Variants in BIK observed in about 807,000 individuals in gnomAD.
BIK encodes the protein bcl-2-interacting killer.
Under a neutral mutation model 12.1 loss-of-function variants are expected in BIK, and 14 were observed. That is an observed-to-expected ratio of 1.16 (90% CI 0.77 to 1.81). The LOEUF (loss-of-function observed/expected upper bound fraction) is 1.81, where lower values mean the gene tolerates loss of function less well. Among genes scored for constraint, BIK ranks in the 40% most tolerant of loss-of-function variants. The pLI, the probability that BIK is intolerant of heterozygous loss-of-function variation, is 0.00. For missense variants in BIK, 215 were observed against 207.9 expected (o/e 1.03, Z -0.21); for synonymous variants, 86 against 92.3 (o/e 0.93, Z 0.39).
chr22:43,129,681 A>G lies in BIK; in HGVS notation c.*376A>G. ...TCTACTGGAATAGATTCCGAGGAGC[A>G]GGAGTGCTCAATAAAATGTTGGTTT... is the stretch of plus-strand genomic sequence containing the variant. On this transcript the variant is annotated 3_prime_UTR_variant, in exon 5 of 5. Coordinates refer to ENST00000216115, the MANE Select transcript of BIK (RefSeq NM_001197.5). 1 of 243,758 alleles carries G rather than the reference A, an allele frequency of 4.1e-6. No individual in the cohort carries two copies. The highest frequency in any genetic ancestry group is 6.3e-5 in the South Asian group (1 of 15,872). The allele number at this position is 243,758 out of a possible 1,614,324, so 15.1% of individuals were successfully genotyped here.
At chr22:43,126,828 A>G (rs1569467585) in intron 2 of BIK, among the ~76,000 whole-genome samples, 1 of 152,124 alleles carries the variant, frequency 6.6e-6, no homozygotes, top group Non-Finnish European at 1.5e-5. Context: ...CCAGGGTAAC[A>G]GAAGGTAGGA....
intron 1 of BIK, among the ~76,000 whole-genome samples, chr22:43,116,927 G>T: frequency 6.6e-6 from 1 of 152,148 alleles, no homozygotes; most frequent in East Asian, 1.9e-4. Context: ...GTGACAGAGA[G>T]ACCCTGTCTC....
At chr22:43,128,157 C>T (rs780213160) in intron 3 of BIK, among the ~76,000 whole-genome samples, 3 of 151,658 alleles carry the variant, frequency 2.0e-5, no homozygotes, top group East Asian at 1.9e-4. Flanking sequence ...AGCGAGTCTC[C>T]GGTGGGGGAA....
chr22:43,126,505 C>T (rs1285559174), intron 2 of BIK, among the ~76,000 whole-genome samples: 1 of 152,162 alleles, frequency 6.6e-6, no homozygotes, highest in African/African-American at 2.4e-5. Flanking sequence ...CACTTTCATT[C>T]TTCCCCTGGT....
chr22:43,121,899 T>G (rs2003666), intron 1 of BIK, among the ~76,000 whole-genome samples: 40,616 of 152,138 alleles, frequency 0.27, 6,282 homozygotes, highest in Non-Finnish European at 0.34. Flanking sequence ...GCCTGGCTAA[T>G]TTTGTATTTT....
chr22:43,118,884 C>T (rs1207758930), intron 1 of BIK, among the ~76,000 whole-genome samples: 7 of 152,082 alleles, frequency 4.6e-5, no homozygotes, highest in African/African-American at 1.4e-4. Context: ...GGCCCTCGAA[C>T]ACCTGCTGAG....
At chr22:43,127,635 G>T (rs1930343095) in intron 2 of BIK, 62 bp from the exon 3 acceptor site, 2 of 1,444,254 alleles carry the variant, frequency 1.4e-6, no homozygotes, top group Non-Finnish European at 1.9e-6. Context: ...GGCTGGGTGG[G>T]TCCAGGTGCA....
intron 1 of BIK, among the ~76,000 whole-genome samples, chr22:43,120,829 G>T (rs1369651763): frequency 2.0e-5 from 3 of 152,234 alleles, no homozygotes; most frequent in South Asian, 4.1e-4. Flanking sequence ...GAGGGCCTGG[G>T]CCCAGAGGCC....
intron 1 of BIK, among the ~76,000 whole-genome samples, chr22:43,121,765 G>A (rs1019509972): frequency 2.2e-4 from 33 of 152,164 alleles, no homozygotes; most frequent in Admixed American, 8.5e-4. Flanking sequence ...AGCTTAACAC[G>A]CACACTGCTG....
chr22:43,127,628 T>C (rs1930342885), intron 2 of BIK, 69 bp from the exon 3 acceptor site: 8 of 1,388,250 alleles, frequency 5.8e-6, no homozygotes, highest in Middle Eastern at 3.8e-4. Context: ...ATCCGTTGGC[T>C]GGGTGGGTCC....
At chr22:43,123,960 G>A in intron 1 of BIK, 56 bp from the exon 2 acceptor site, 1 of 1,567,912 alleles carries the variant, frequency 6.4e-7, no homozygotes, top group East Asian at 2.2e-5. Context: ...CTGTGAGAGA[G>A]CCCCCAGACT....
chr22:43,119,014 C>T (rs1184693378), intron 1 of BIK, among the ~76,000 whole-genome samples: 1 of 151,998 alleles, frequency 6.6e-6, no homozygotes, highest in South Asian at 2.1e-4. Context: ...GAGTGCAGAG[C>T]TGTTCACCAA....
intron 3 of BIK, among the ~76,000 whole-genome samples, chr22:43,128,036 C>A (rs1007821277): frequency 6.6e-6 from 1 of 152,168 alleles, no homozygotes; most frequent in African/African-American, 2.4e-5. Flanking sequence ...GAGCCCAGGG[C>A]CCTTTTCTCT....
At chr22:43,121,733 T>C (rs529909695) in intron 1 of BIK, among the ~76,000 whole-genome samples, 20 of 152,360 alleles carry the variant, frequency 1.3e-4, no homozygotes, top group Non-Finnish European at 2.5e-4. Flanking sequence ...CTGGAAGTTC[T>C]GGACACAGTT....
chr22:43,123,867 G>A lies in BIK; in HGVS notation c.-7-149G>A. The A allele has an allele frequency of 5.2e-6, 4 of 768,816 alleles. No homozygotes were observed. The South Asian group carries it at 8.6e-5, about 16-fold the overall frequency. 47.6% of individuals were successfully genotyped at this position (768,816 alleles called of 1,614,324 possible). A position where few individuals can be genotyped will look rare whatever the true frequency, so the allele number is the denominator to read the frequency against. On this transcript the variant is annotated intron_variant, in intron 1 of 4. Coordinates refer to ENST00000216115, the MANE Select transcript of BIK (RefSeq NM_001197.5). ...CCAGCATGTAGCAGGATTCATGCCT[G>A]TGGGAGCTGGGGTTGGGGGATATTG...
At chr22:43,128,397 C>T (rs1930364304) in intron 3 of BIK, 99 bp from the exon 4 acceptor site, 3 of 1,468,222 alleles carry the variant, frequency 2.0e-6, no homozygotes, top group Admixed American at 1.8e-5. Flanking sequence ...AGGGCACAGG[C>T]CCCTGCTCCC....
chr22:43,123,454 C>T (rs1316541586), intron 1 of BIK, among the ~76,000 whole-genome samples: 2 of 152,056 alleles, frequency 1.3e-5, no homozygotes, highest in African/African-American at 4.8e-5. Context: ...TTTTGTTTCA[C>T]AAAGAAGAAA....
intron 1 of BIK, 134 bp from the exon 2 acceptor site, chr22:43,123,882 G>A: frequency 1.1e-6 from 1 of 899,100 alleles, no homozygotes; most frequent in Non-Finnish European, 1.7e-6. Flanking sequence ...AGCTGGGGTT[G>A]GGGGATATTG....
chr22:43,111,691 C>G (rs933171370), intron 1 of BIK, among the ~76,000 whole-genome samples: 2 of 152,216 alleles, frequency 1.3e-5, no homozygotes, highest in African/African-American at 4.8e-5. Context: ...GTAGCTCTTA[C>G]TATTGTAACA....
Sources: allele counts gnomAD v4.1 joint callset (sites outside exome capture counted in the v4.1 genomes callset), GRCh38; gene constraint gnomAD v4.1.1; transcripts MANE v1.5; gene names NCBI Gene and HGNC (gene_info 2026-07-23, HGNC 2026-07-21).